The following ENHO variants were observed in gnomAD, a reference collection of about 807,000 sequenced individuals.
The protein encoded by ENHO is energy homeostasis associated, also known as adropin.
In ENHO, 5 loss-of-function variants were observed where a neutral mutation model predicts 4.1. The ratio of observed to expected loss-of-function variants is 1.23; its 90% CI spans 0.64 to 2.58. ENHO has a LOEUF of 2.58. Among genes scored for constraint, ENHO ranks in the 30% most tolerant of loss-of-function variants. The pLI, the probability that ENHO is intolerant of heterozygous loss-of-function variation, is 0.01. For synonymous variants in ENHO, 45 were observed against 42.9 expected, an observed-to-expected ratio of 1.05 and a Z score of -0.19; for missense variants, 86 against 97.7, an observed-to-expected ratio of 0.88 and a Z score of 0.51.
Position 34,522,617 on chromosome 9 carries a change from A to T in ENHO, c.-162+160T>A, listed in dbSNP as rs2132091413. Among the ~76,000 whole-genome samples, 1 of 149,898 alleles carries T rather than the reference A, an allele frequency of 6.7e-6. No individual in the cohort carries two copies. Among genetic ancestry groups the T allele is most frequent in the Non-Finnish European group, 1.5e-5 (1 of 67,436 alleles). ...GCTGTATCCCCCTCTGTTCCCATGG[A>T]CGTGTCCCTATCCCCTTCTCCGTGG... is the stretch of plus-strand genomic sequence containing the variant. On this transcript the variant is annotated intron_variant, in intron 1 of 1. Transcript: ENST00000399775. This position sits in a 1 kb window ranked among gnomAD's most constrained non-coding sequence, Gnocchi z 4.2.
rs149235285 is a variant in ENHO at position 34,522,573 on chromosome 9, GTC to G, written c.-162+202_-162+203del. Among the ~76,000 whole-genome samples the G allele has an allele frequency of 5.3e-5, 8 of 151,940 alleles. No individual in the cohort carries two copies. The East Asian group carries it at 7.7e-4, about 15-fold the overall frequency. ...TGTGTATCTCTGCATCAGTCTCTGT[GTC>G]TCTCTCTCTCTTCCAGGCTGTATCC... On this transcript the variant is annotated intron_variant, in intron 1 of 1. Coordinates refer to ENST00000399775, the MANE Select transcript of ENHO (RefSeq NM_198573.3). The surrounding 1 kb of genome is among the most constrained non-coding windows in gnomAD (Gnocchi z 4.2).
At position 34,521,829 on chromosome 9, in the gene ENHO, G is replaced by A. The variant is rs1236491913; in HGVS notation, c.-134C>T. 1.3e-6 allele frequency: 1 copy of A among 741,344 alleles called. No individual in the cohort carries two copies. The highest frequency in any genetic ancestry group is 2.3e-6 in the Non-Finnish European group (1 of 439,764). 45.9% of individuals were successfully genotyped at this position (741,344 alleles called of 1,614,324 possible). A position where few individuals can be genotyped will look rare whatever the true frequency, so the allele number is the denominator to read the frequency against. Reference sequence around the variant, plus strand: ...CTGCACGCTCAGTGATTCCTGGGCAGTGGAGATGTCTACCTGCAGTCCTGA... The same window carrying A: ...CTGCACGCTCAGTGATTCCTGGGCAATGGAGATGTCTACCTGCAGTCCTGA... On this transcript the variant is annotated 5_prime_UTR_variant, in exon 2 of 2. Coordinates refer to ENST00000399775, the MANE Select transcript of ENHO (RefSeq NM_198573.3).
Position 34,521,698 on chromosome 9 carries a change from C to CAGG in ENHO, c.-6_-4dup, listed in dbSNP as rs1825284205. 3.7e-6 allele frequency: 6 copies of CAGG among 1,611,326 alleles called. No homozygotes were observed. The highest frequency in any genetic ancestry group is 5.1e-6 in the Non-Finnish European group (6 of 1,178,342). On this transcript the variant is annotated 5_prime_UTR_variant, in exon 2 of 2. Coordinates refer to ENST00000399775, the MANE Select transcript of ENHO (RefSeq NM_198573.3). The stretch of plus-strand genomic sequence containing the variant: ...CCCTGGGAGATGGCTGCCCCCATGA[C>CAGG]AGGCAGCACCCTCAGACCAGCACAG...
Position 34,522,103 on chromosome 9 carries a change from T to C in ENHO, c.-161-247A>G, listed in dbSNP as rs569372050. 8.5e-5 allele frequency among the ~76,000 whole-genome samples: 13 copies of C among 152,214 alleles called. No homozygotes were observed. In the South Asian group the frequency reaches 2.7e-3, roughly 32 times the overall value. On this transcript the variant is annotated intron_variant, in intron 1 of 1. Coordinates refer to ENST00000399775, the MANE Select transcript of ENHO (RefSeq NM_198573.3). This position sits in a 1 kb window ranked among gnomAD's most constrained non-coding sequence, Gnocchi z 4.2. ...GCAGTAGGCAGCCGTCATCTCATTC[T>C]CCTTAGACCTGGTGGGCATGCCCTG...
rs1362324157 is a variant in ENHO, at chr9:34,521,279, C to A, written c.*186G>T. ...CAACTCATAAGCCCCCACCCCAGGCCCATCTCCTTAGGGCCACTGAGCTCC... is the reference window on the plus strand; with the variant it reads ...CAACTCATAAGCCCCCACCCCAGGCACATCTCCTTAGGGCCACTGAGCTCC... On this transcript the variant is annotated 3_prime_UTR_variant, in exon 2 of 2. Coordinates refer to ENST00000399775, the MANE Select transcript of ENHO (RefSeq NM_198573.3). 4 of 708,844 alleles carry A rather than the reference C, an allele frequency of 5.6e-6. No individual in the cohort carries two copies. The highest frequency in any genetic ancestry group is 1.0e-5 in the Non-Finnish European group (4 of 393,264). The allele number at this position is 708,844 out of a possible 1,614,324, so 43.9% of individuals were successfully genotyped here.
At position 34,521,229 on chromosome 9, in the gene ENHO, G is replaced by C; in HGVS notation, c.*236C>G. 1.5e-6 allele frequency: 1 copy of C among 656,838 alleles called. No homozygotes were observed. The highest frequency in any genetic ancestry group is 2.8e-5 in the East Asian group (1 of 35,494). The allele number at this position is 656,838 out of a possible 1,614,324, so 40.7% of individuals were successfully genotyped here. ...CCCTTGGCCCTTGGGATGGAGCATA[G>C]TCCAGATGGCCCTGGCTCTAGCACC... is the stretch of plus-strand genomic sequence containing the variant. On this transcript the variant is annotated 3_prime_UTR_variant, in exon 2 of 2. Transcript: ENST00000399775.
rs764173320 is a variant in ENHO, at chr9:34,521,637, C to G, written c.59G>C (p.Gly20Ala). The G allele has an allele frequency of 6.2e-7, 1 of 1,613,994 alleles. No homozygotes were observed. The highest frequency in any genetic ancestry group is 1.1e-5 in the South Asian group (1 of 91,092). Residue 20 changes from glycine (G) to alanine (A), a missense_variant, in exon 2 of 2, where the codon GGC (glycine) becomes GCC (alanine). Physicochemically the swap from Gly to Ala is moderately conservative, Grantham distance 60. Coordinates refer to ENST00000399775, the MANE Select transcript of ENHO (RefSeq NM_198573.3). Reference protein sequence around the residue: ...LIAIVCNGLVGFLLLLLWVIL... With the variant: ...LIAIVCNGLVAFLLLLLWVIL... ...GACCCAGAGCAGCAGCAGCAAGAAG[C>G]CCACGAGACCGTTGCAGACGATGGC...
rs557498025 is a variant in ENHO at position 34,522,284 on chromosome 9, T to G, written c.-161-428A>C. ...CTCCAGCCAGCCCGACCAGGAGACC[T>G]CCAGAGGCGCCAGCTTGCACAGAGG... On this transcript the variant is annotated intron_variant, in intron 1 of 1. Transcript: ENST00000399775. The surrounding 1 kb of genome is among the most constrained non-coding windows in gnomAD (Gnocchi z 4.2). 1 of 152,658 alleles carries G rather than the reference T, an allele frequency of 6.6e-6. No individual in the cohort carries two copies. The highest frequency in any genetic ancestry group is 2.1e-4 in the South Asian group (1 of 4,828). 9.5% of individuals were successfully genotyped at this position (152,658 alleles called of 1,614,324 possible).
At position 34,521,325 on chromosome 9, in the gene ENHO, G is replaced by C; in HGVS notation, c.*140C>G. 2.4e-6 allele frequency: 2 copies of C among 829,016 alleles called. No homozygotes were observed. The highest frequency in any genetic ancestry group is 2.9e-5 in the South Asian group (2 of 69,560). 51.4% of individuals were successfully genotyped at this position (829,016 alleles called of 1,614,324 possible). ...GCTCCTATTGGAGCCAAGCTGGCTA[G>C]ACTCTGGGCCGCTGGGTCCAGCTCC... On this transcript the variant is annotated 3_prime_UTR_variant, in exon 2 of 2. Coordinates refer to ENST00000399775, the MANE Select transcript of ENHO (RefSeq NM_198573.3).
rs771555285 is a variant in ENHO at position 34,521,702 on chromosome 9, C to G, written c.-7G>C. ...GGGAGATGGCTGCCCCCATGACAGG[C>G]AGCACCCTCAGACCAGCACAGACAG... On this transcript the variant is annotated 5_prime_UTR_variant, in exon 2 of 2. Transcript: ENST00000399775. The G allele has an allele frequency of 6.2e-7, 1 of 1,610,176 alleles. No homozygotes were observed. The highest frequency in any genetic ancestry group is 8.5e-7 in the Non-Finnish European group (1 of 1,177,680).
chr9:34,521,541 C>T lies in ENHO; in HGVS notation c.155G>A (p.Ser52Asn). 2 of 1,613,972 alleles carry T rather than the reference C, an allele frequency of 1.2e-6. No homozygotes were observed. The highest frequency in any genetic ancestry group is 1.7e-6 in the Non-Finnish European group (2 of 1,180,034). ...GGCCTTCTCAGGACAGGGGCCAGGG[C>T]TGGAGTTGGGACTGGATTCAGAGAG... The part of the protein sequence containing the change: ...DSLSESSPNS[S>N]PGPCPEKAPP... Residue 52 changes from serine to asparagine, a missense_variant, in exon 2 of 2, where the codon AGC becomes AAC. Ser to Asn is a conservative substitution (Grantham distance 46). Transcript: ENST00000399775.
In ENHO at chr9:34,521,346, G is replaced by T. The variant is rs770833093; in HGVS notation, c.*119C>A. 6.5e-5 allele frequency: 63 copies of T among 976,384 alleles called. No homozygotes were observed. The South Asian group carries it at 8.3e-4, about 13-fold the overall frequency. 60.5% of individuals were successfully genotyped at this position (976,384 alleles called of 1,614,324 possible). A position where few individuals can be genotyped will look rare whatever the true frequency, so the allele number is the denominator to read the frequency against. On this transcript the variant is annotated 3_prime_UTR_variant, in exon 2 of 2. Coordinates refer to ENST00000399775, the MANE Select transcript of ENHO (RefSeq NM_198573.3). ...GCTAGACTCTGGGCCGCTGGGTCCA[G>T]CTCCAAGCAGGCGGACTCTTGAGTT...
intron 1 of ENHO, 68 bp from the exon 2 acceptor site, chr9:34,521,924 GAGGT>G (rs1825287572): frequency 1.7e-6 from 1 of 572,230 alleles, no homozygotes; most frequent in Non-Finnish European, 3.2e-6. Flanking sequence ...TAGGAGGAGA[GAGGT>G]AGGGAAGAGA....
intron 1 of ENHO, 59 bp from the exon 2 acceptor site, chr9:34,521,915 A>T: frequency 1.7e-6 from 1 of 582,984 alleles, no homozygotes; most frequent in Non-Finnish European, 3.1e-6. Flanking sequence ...GGTGAGGCCT[A>T]GGAGGAGAGA....
chr9:34,522,825 T>G lies in ENHO; in HGVS notation c.-210A>C, dbSNP rs1275943725. On this transcript the variant is annotated 5_prime_UTR_variant, in exon 1 of 2. Coordinates refer to ENST00000399775, the MANE Select transcript of ENHO (RefSeq NM_198573.3). The surrounding 1 kb of genome is among the most constrained non-coding windows in gnomAD (Gnocchi z 4.2). ...CGCGGGAGGGTCCGGGGCAGCGGGA[T>G]GCTCGGCGCCGACTAAGGCTTGGGA... 1 of 152,490 alleles carries G rather than the reference T, an allele frequency of 6.6e-6. No homozygotes were observed. The highest frequency in any genetic ancestry group is 2.4e-5 in the African/African-American group (1 of 41,416). The allele number at this position is 152,490 out of a possible 1,614,324, so 9.4% of individuals were successfully genotyped here. A position where few individuals can be genotyped will look rare whatever the true frequency, so the allele number is the denominator to read the frequency against.
At position 34,521,547 on chromosome 9, in the gene ENHO, T is replaced by C. The variant is rs752947654; in HGVS notation, c.149A>G (p.Asn50Ser). Reference sequence around the variant, plus strand: ...CTCAGGACAGGGGCCAGGGCTGGAGTTGGGACTGGATTCAGAGAGAGAGTC... The same window carrying C: ...CTCAGGACAGGGGCCAGGGCTGGAGCTGGGACTGGATTCAGAGAGAGAGTC... Reference protein sequence around the residue: ...DVDSLSESSPNSSPGPCPEKA... With the variant: ...DVDSLSESSPSSSPGPCPEKA... The change falls in exon 2 of 2, where the codon AAC (asparagine) becomes AGC (serine). Residue 50 changes from asparagine (N) to serine (S), a missense_variant. Transcript: ENST00000399775. 1.9e-6 allele frequency: 3 copies of C among 1,613,328 alleles called. No individual in the cohort carries two copies. Among genetic ancestry groups the C allele is most frequent in the Non-Finnish European group, 2.5e-6 (3 of 1,179,838 alleles).
Position 34,521,425 on chromosome 9 carries a change from G to A in ENHO, c.*40C>T, listed in dbSNP as rs1471520026. The A allele has an allele frequency of 6.4e-7, 1 of 1,551,848 alleles. No homozygotes were observed. Among genetic ancestry groups the A allele is most frequent in the East Asian group, 2.2e-5 (1 of 44,566 alleles). On this transcript the variant is annotated 3_prime_UTR_variant, in exon 2 of 2. Coordinates refer to ENST00000399775, the MANE Select transcript of ENHO (RefSeq NM_198573.3). ...ATCCTAATTCCAGGCTCTAGGTGAG[G>A]TGGACTTAGGTCCTGGGCTCCAGGC...
Position 34,521,207 on chromosome 9 carries a change from T to G in ENHO, c.*258A>C. ...AAAGAGTGGACCCGGCCCCTGACCC[T>G]TGGCCCTTGGGATGGAGCATAGTCC... is the stretch of plus-strand genomic sequence containing the variant. On this transcript the variant is annotated 3_prime_UTR_variant, in exon 2 of 2. Transcript: ENST00000399775. The G allele has an allele frequency of 3.3e-6, 2 of 607,156 alleles. No individual in the cohort carries two copies. The highest frequency in any genetic ancestry group is 5.2e-5 in the Admixed American group (2 of 38,784). The allele number at this position is 607,156 out of a possible 1,614,324, so 37.6% of individuals were successfully genotyped here.
rs1442629302 is a variant in ENHO at position 34,522,109 on chromosome 9, G to C, written c.-161-253C>G. ...GGCAGCCGTCATCTCATTCTCCTTA[G>C]ACCTGGTGGGCATGCCCTGGTCCTG... On this transcript the variant is annotated intron_variant, in intron 1 of 1. Transcript: ENST00000399775. The surrounding 1 kb of genome is among the most constrained non-coding windows in gnomAD (Gnocchi z 4.2). 1 of 174,244 alleles carries C rather than the reference G, an allele frequency of 5.7e-6. No individual in the cohort carries two copies. Among genetic ancestry groups the C allele is most frequent in the Non-Finnish European group, 1.2e-5 (1 of 82,098 alleles). The allele number at this position is 174,244 out of a possible 1,614,324, so 10.8% of individuals were successfully genotyped here.
Sources: allele counts gnomAD v4.1 joint callset (sites outside exome capture counted in the v4.1 genomes callset), GRCh38; gene constraint gnomAD v4.1.1; non-coding constraint Gnocchi (gnomAD v3.1); transcripts MANE v1.5; gene names NCBI Gene and HGNC (gene_info 2026-07-23, HGNC 2026-07-21).